The following DHRSX variants were observed in gnomAD, a reference collection of about 807,000 sequenced individuals.
DHRSX encodes the protein dehydrogenase/reductase X-linked, also known as polyprenol dehydrogenase.
A neutral mutation model predicts 34.0 loss-of-function variants in DHRSX; 31 were observed. The observed-to-expected ratio is 0.91, with a 90% CI of 0.69 to 1.23. The LOEUF (loss-of-function observed/expected upper bound fraction) is 1.23. DHRSX is among the 50% of genes most tolerant of loss of function. The pLI is 0.00. For missense variants in DHRSX, 414 were observed against 428.1 expected (o/e 0.97, Z 0.29); for synonymous variants, 201 against 183.8 (o/e 1.09, Z -0.76).
At chrX:2,490,716 C>A in intron 1 of DHRSX, 1 of 1,611,810 alleles carries the variant, frequency 6.2e-7, no homozygotes, top group Non-Finnish European at 8.5e-7. Flanking sequence ...CTTTTATTCT[C>A]CATTGCTTCT....
intron 3 of DHRSX, chrX:2,338,053 C>T (rs1377965856): frequency 1.3e-5 from 2 of 150,434 alleles, no homozygotes; most frequent in African/African-American, 4.9e-5. Context: ...CAATCCCAGG[C>T]CAGGCATGGT....
At chrX:2,359,562 C>T (rs939942876) in intron 3 of DHRSX, among the ~76,000 whole-genome samples, 3 of 151,904 alleles carry the variant, frequency 2.0e-5, no homozygotes, top group Non-Finnish European at 4.4e-5. Context: ...CACCTGTAAT[C>T]CCAGCTACTT....
At chrX:2,298,856 A>G (rs148330733) in intron 3 of DHRSX, among the ~76,000 whole-genome samples, 2,125 of 151,990 alleles carry the variant, frequency 0.014, 49 homozygotes, top group African/African-American at 0.046. Context: ...GTGGTGGCAC[A>G]TGCCTGTAAT....
At chrX:2,272,059 A>C (rs1173787024) in intron 4 of DHRSX, among the ~76,000 whole-genome samples, 2 of 151,758 alleles carry the variant, frequency 1.3e-5, no homozygotes, top group African/African-American at 2.4e-5. Context: ...ACATACCTGC[A>C]CCTGTCTGTT....
intron 5 of DHRSX, among the ~76,000 whole-genome samples, chrX:2,255,289 G>A (rs994671553): frequency 2.0e-5 from 3 of 152,076 alleles, no homozygotes; most frequent in African/African-American, 7.2e-5. Flanking sequence ...CAAACACCCT[G>A]ATACTTTCGC....
At chrX:2,495,504 G>C (rs1430053898) in intron 1 of DHRSX, among the ~76,000 whole-genome samples, 1 of 152,046 alleles carries the variant, frequency 6.6e-6, no homozygotes, top group Non-Finnish European at 1.5e-5. Flanking sequence ...GTGACTCCTG[G>C]AAGGAGAAAC....
chrX:2,454,475 C>T (rs1418434677), intron 1 of DHRSX, among the ~76,000 whole-genome samples: 2 of 149,120 alleles, frequency 1.3e-5, no homozygotes, highest in South Asian at 2.1e-4. Flanking sequence ...TGCAGTGAGC[C>T]GAGATTGAGC....
intron 3 of DHRSX, among the ~76,000 whole-genome samples, chrX:2,358,968 A>G (rs1361457632): frequency 6.7e-6 from 1 of 149,422 alleles, no homozygotes; most frequent in Non-Finnish European, 1.5e-5. Flanking sequence ...AAAAAAAAAG[A>G]CATACATCCA....
intron 5 of DHRSX, among the ~76,000 whole-genome samples, chrX:2,265,660 TGTACCCAGAGCACCAGTGCTCGGCAGAC>T (rs2041448846): frequency 7.2e-6 from 1 of 138,044 alleles, no homozygotes; most frequent in Non-Finnish European, 1.6e-5. Context: ...CAGGGAGCAC[TGTACCCAGAGCACCAGTGCTCGGCAGAC>T]GCAGGGAGCA....
Position 2,254,955 on chromosome X carries a change from C to T in DHRSX, c.597-11725G>A, listed in dbSNP as rs1178804056. Among the ~76,000 whole-genome samples the T allele has an allele frequency of 1.4e-3, 187 of 137,336 alleles. 2 individuals are homozygous for T. The highest frequency in any genetic ancestry group is 4.3e-3 in the African/African-American group (151 of 35,136). The allele number at this position is 137,336 out of a possible 152,430, so 90.1% of individuals were successfully genotyped here. ...ACTGTGCCTGCCCCACGCCCCCCCC[C>T]TTTTTTTTCTTTTTTTTTTTTTGAG... is the stretch of plus-strand genomic sequence containing the variant. On this transcript the variant is annotated intron_variant, in intron 5 of 6. Coordinates refer to ENST00000334651, the MANE Select transcript of DHRSX (RefSeq NM_145177.3).
intron 6 of DHRSX, among the ~76,000 whole-genome samples, chrX:2,226,575 C>A (rs923063999): frequency 1.3e-5 from 2 of 152,036 alleles, no homozygotes; most frequent in Non-Finnish European, 2.9e-5. Flanking sequence ...CCGAGGCAGG[C>A]GGATCGCGAG....
chrX:2,490,780 G>A, intron 1 of DHRSX: 3 of 1,564,156 alleles, frequency 1.9e-6, no homozygotes, highest in Non-Finnish European at 2.6e-6. Context: ...CTGCTGAGAA[G>A]GGCCAAGACA....
chrX:2,293,256 T>G (rs1042970631), intron 3 of DHRSX, among the ~76,000 whole-genome samples: 4 of 150,754 alleles, frequency 2.7e-5, no homozygotes, highest in African/African-American at 9.7e-5. Context: ...TAAAGCTGTT[T>G]TTTTTTTTTT....
intron 3 of DHRSX, among the ~76,000 whole-genome samples, chrX:2,321,281 G>A (rs966774681): frequency 1.4e-4 from 22 of 152,130 alleles, no homozygotes; most frequent in African/African-American, 5.3e-4. Context: ...ATTGCAGACA[G>A]GACATCGAAT....
At chrX:2,376,411 T>C (rs2043141178) in intron 3 of DHRSX, among the ~76,000 whole-genome samples, 2 of 137,310 alleles carry the variant, frequency 1.5e-5, no homozygotes, top group African/African-American at 4.9e-5. Context: ...GTCATTCAGG[T>C]GGCCATGAAG....
At chrX:2,274,895 T>G (rs2041604629) in intron 4 of DHRSX, among the ~76,000 whole-genome samples, 1 of 152,122 alleles carries the variant, frequency 6.6e-6, no homozygotes. Flanking sequence ...TTCCTCTTCC[T>G]ATGTAAGCAG....
At chrX:2,330,979 A>G (rs1041947164) in intron 3 of DHRSX, among the ~76,000 whole-genome samples, 14 of 152,144 alleles carry the variant, frequency 9.2e-5, no homozygotes, top group Non-Finnish European at 1.9e-4. Context: ...CAAGGAGACA[A>G]TGTTGAGCGA....
rs776368830 is a variant in DHRSX at position 2,263,948 on chromosome X, G to A, written c.596+2792C>T. On this transcript the variant is annotated intron_variant, in intron 5 of 6. Transcript: ENST00000334651. ...ATGGACAGACAGTACATTGCGTGTCGACAGGAGTCCACACCAATGCCACCT... is the reference window on the plus strand; with the variant it reads ...ATGGACAGACAGTACATTGCGTGTCAACAGGAGTCCACACCAATGCCACCT... Among the ~76,000 whole-genome samples the A allele has an allele frequency of 2.6e-5, 4 of 152,314 alleles. No individual in the cohort carries two copies. The South Asian group carries it at 6.2e-4, about 24-fold the overall frequency.
intron 3 of DHRSX, among the ~76,000 whole-genome samples, chrX:2,369,269 T>A (rs1365063253): frequency 1.3e-5 from 2 of 152,104 alleles, no homozygotes; most frequent in African/African-American, 4.8e-5. Context: ...GATACCAACA[T>A]CAGAACTGGA....
Sources: allele counts gnomAD v4.1 joint callset (sites outside exome capture counted in the v4.1 genomes callset), GRCh38; gene constraint gnomAD v4.1.1; transcripts MANE v1.5; gene names NCBI Gene and HGNC (gene_info 2026-07-23, HGNC 2026-07-21).